Variants in SGK3 observed in about 807,000 individuals in gnomAD.
The protein encoded by SGK3 is serine/threonine-protein kinase Sgk3.
In SGK3, 47 loss-of-function variants were observed where a neutral mutation model predicts 68.5. The observed-to-expected ratio is 0.69, with a 90% CI of 0.54 to 0.87. The LOEUF is 0.87. Among genes scored for constraint, SGK3 ranks in the 40% least tolerant of loss-of-function variants. The pLI is 0.00. For missense variants in SGK3, 479 were observed against 575.5 expected (o/e 0.83, Z 1.72); for synonymous variants, 181 against 189.1 (o/e 0.96, Z 0.35).
intron 1 of SGK3, among the ~76,000 whole-genome samples, chr8:66,742,296 T>C (rs1373104218): frequency 6.6e-6 from 1 of 152,208 alleles, no homozygotes; most frequent in African/African-American, 2.4e-5. Context: ...ATGAATAAAA[T>C]GAACTTCATT....
At chr8:66,768,541 T>C (rs567058486) in intron 1 of SGK3, among the ~76,000 whole-genome samples, 1 of 152,224 alleles carries the variant, frequency 6.6e-6, no homozygotes, top group Non-Finnish European at 1.5e-5. Flanking sequence ...ACATTATAGA[T>C]GTTGCTCCAC....
chr8:66,814,982 G>A (rs1808521106), intron 5 of SGK3, among the ~76,000 whole-genome samples: 1 of 152,186 alleles, frequency 6.6e-6, no homozygotes, highest in African/African-American at 2.4e-5. Context: ...GAGCTTTTCT[G>A]CAGCTCACCT....
intron 16 of SGK3, among the ~76,000 whole-genome samples, chr8:66,852,186 T>TCC (rs1810318608): frequency 6.6e-6 from 1 of 151,844 alleles, no homozygotes. Flanking sequence ...GAATAGAATA[T>TCC]AAGCCAAGAC....
At chr8:66,806,897 T>A (rs1808192188) in intron 4 of SGK3, among the ~76,000 whole-genome samples, 1 of 152,026 alleles carries the variant, frequency 6.6e-6, no homozygotes, top group Non-Finnish European at 1.5e-5. Flanking sequence ...GCTGCTTTAT[T>A]GGTATAACAG....
At chr8:66,761,287 T>C (rs947145363) in intron 1 of SGK3, among the ~76,000 whole-genome samples, 16 of 152,228 alleles carry the variant, frequency 1.1e-4, no homozygotes, top group African/African-American at 3.6e-4. Context: ...TAGACATTCT[T>C]AAGTGAACCT....
At chr8:66,819,318 C>T (rs193103261) in intron 5 of SGK3, among the ~76,000 whole-genome samples, 6 of 152,300 alleles carry the variant, frequency 3.9e-5, no homozygotes, top group African/African-American at 1.4e-4. Flanking sequence ...GTCTTACAAA[C>T]TGTATTTGTT....
intron 16 of SGK3, among the ~76,000 whole-genome samples, chr8:66,858,398 G>A (rs979414740): frequency 6.6e-6 from 1 of 151,802 alleles, no homozygotes; most frequent in Non-Finnish European, 1.5e-5. Flanking sequence ...CCCGGGAGGC[G>A]GAGCTTGCAG....
intron 1 of SGK3, among the ~76,000 whole-genome samples, chr8:66,734,964 G>T (rs975074487): frequency 1.4e-5 from 2 of 143,390 alleles, no homozygotes; most frequent in East Asian, 2.0e-4. Context: ...AAAAAAAGTA[G>T]ATATGTACAG....
At chr8:66,784,115 G>A (rs1484923300) in intron 1 of SGK3, among the ~76,000 whole-genome samples, 2 of 151,812 alleles carry the variant, frequency 1.3e-5, no homozygotes, top group Non-Finnish European at 2.9e-5. Context: ...TTCCCAGGCT[G>A]ATACCGAACT....
intron 1 of SGK3, among the ~76,000 whole-genome samples, chr8:66,757,776 A>G (rs145139023): frequency 0.13 from 19,087 of 150,700 alleles, 2,295 homozygotes; most frequent in African/African-American, 0.31. Context: ...TTAGCTGGGC[A>G]TGGTGGCGGG....
chr8:66,737,817 T>C (rs1805369218), intron 1 of SGK3, among the ~76,000 whole-genome samples: 1 of 152,062 alleles, frequency 6.6e-6, no homozygotes, highest in Non-Finnish European at 1.5e-5. Flanking sequence ...GGTTTCATCA[T>C]GTTGCCCAAG....
intron 2 of SGK3, among the ~76,000 whole-genome samples, chr8:66,794,399 G>A (rs926545439): frequency 6.6e-6 from 1 of 151,650 alleles, no homozygotes; most frequent in African/African-American, 2.4e-5. Context: ...TTTCTAATTA[G>A]TGTGCTGAAA....
At chr8:66,836,160 A>G in intron 10 of SGK3, 86 bp downstream of exon 10, 1 of 1,507,402 alleles carries the variant, frequency 6.6e-7, no homozygotes, top group Non-Finnish European at 8.9e-7. Flanking sequence ...TTAGAAGGAC[A>G]GTATAAAATC....
At chr8:66,800,379 CTTTTT>C (rs35415180) in intron 3 of SGK3, among the ~76,000 whole-genome samples, 2 of 102,388 alleles carry the variant, frequency 2.0e-5, no homozygotes, top group African/African-American at 3.6e-5. Flanking sequence ...TTTTTCATTT[CTTTTT>C]TTTTTTTTTT....
At chr8:66,735,723 G>T (rs945654473) in intron 1 of SGK3, among the ~76,000 whole-genome samples, 2 of 152,096 alleles carry the variant, frequency 1.3e-5, no homozygotes, top group Non-Finnish European at 2.9e-5. Flanking sequence ...ACATTAAAAA[G>T]CCATTTTTTT....
intron 1 of SGK3, among the ~76,000 whole-genome samples, chr8:66,772,050 A>G (rs1377661095): frequency 1.4e-5 from 2 of 142,020 alleles, no homozygotes; most frequent in Non-Finnish European, 3.0e-5. Flanking sequence ...CAGCCTAATT[A>G]TGGATGAATC....
intron 3 of SGK3, among the ~76,000 whole-genome samples, chr8:66,803,669 TA>T (rs1563636215): frequency 6.6e-6 from 1 of 151,538 alleles, no homozygotes; most frequent in South Asian, 2.1e-4. Flanking sequence ...TATATATAAT[TA>T]TTTTTTTTGA....
intron 1 of SGK3, among the ~76,000 whole-genome samples, chr8:66,733,594 A>C (rs1213497294): frequency 1.3e-5 from 2 of 152,168 alleles, no homozygotes; most frequent in African/African-American, 4.8e-5. Context: ...GCTGTAGGGA[A>C]TCTGGAAGGC....
At chr8:66,820,507 A>G (rs1393966972) in intron 5 of SGK3, among the ~76,000 whole-genome samples, 1 of 152,144 alleles carries the variant, frequency 6.6e-6, no homozygotes, top group Non-Finnish European at 1.5e-5. Flanking sequence ...TAATGCTGCT[A>G]TGAGAAATCA....
Sources: gnomAD v4.1 joint callset for allele counts (sites outside exome capture counted in the v4.1 genomes callset) on GRCh38, gnomAD v4.1.1 for gene constraint, MANE v1.5 for transcripts, NCBI Gene and HGNC (gene_info 2026-07-23, HGNC 2026-07-21) for gene names.